Variants in PCDH15 observed in about 807,000 individuals in gnomAD.
PCDH15 encodes the protein protocadherin-15.
A neutral mutation model predicts 178.5 loss-of-function variants in PCDH15; 129 were observed. The ratio of observed to expected loss-of-function variants is 0.72; its 90% CI spans 0.63 to 0.84. The LOEUF (loss-of-function observed/expected upper bound fraction) is 0.84. PCDH15 is among the 40% of genes least tolerant of loss of function. The pLI is 0.00. For missense variants in PCDH15, 2,230 were observed against 2,099.9 expected, an observed-to-expected ratio of 1.06 and a Z score of -1.21; for synonymous variants, 800 against 732.0, an observed-to-expected ratio of 1.09 and a Z score of -1.50.
At chr10:53,903,209 C>G (rs1336125066) in intron 26 of PCDH15, 34 bp downstream of exon 26, 1 of 1,609,712 alleles carries the variant, frequency 6.2e-7, no homozygotes, top group Non-Finnish European at 8.5e-7. Context: ...TGAGCTTTTA[C>G]TTTAGTTCTG....
intron 26 of PCDH15, among the ~76,000 whole-genome samples, chr10:53,885,801 T>A (rs60571327): frequency 0.11 from 16,676 of 152,100 alleles, 2,098 homozygotes; most frequent in African/African-American, 0.3. Context: ...TATTTTCATG[T>A]AAATAATACA....
chr10:54,477,381 A>G (rs2078348241), intron 3 of PCDH15, among the ~76,000 whole-genome samples: 1 of 151,990 alleles, frequency 6.6e-6, no homozygotes, highest in South Asian at 2.1e-4. Context: ...GGGCATCCCT[A>G]TTAGTGTTCT....
At chr10:55,333,620 T>C (rs1236334309) in intron 2 of PCDH15, among the ~76,000 whole-genome samples, 1 of 152,028 alleles carries the variant, frequency 6.6e-6, no homozygotes, top group African/African-American at 2.4e-5. Context: ...ATATTTTAGA[T>C]ATTTACAGAG....
At chr10:55,463,864 C>T (rs11004874) in intron 2 of PCDH15, among the ~76,000 whole-genome samples, 14,086 of 75,904 alleles carry the variant, frequency 0.19, 569 homozygotes, top group East Asian at 0.48. Context: ...CAGAATGAGA[C>T]GAAAGAAAGA....
At chr10:55,359,720 G>GTATA (rs57949952) in intron 2 of PCDH15, among the ~76,000 whole-genome samples, 4,717 of 112,294 alleles carry the variant, frequency 0.042, 90 homozygotes, top group South Asian at 0.07. Context: ...AAAATGTGGT[G>GTATA]TATATATATA....
chr10:55,222,710 T>TACACACACACAGAC (rs1554842351), intron 1 of PCDH15, among the ~76,000 whole-genome samples: 14 of 42,188 alleles, frequency 3.3e-4, no homozygotes, highest in Non-Finnish European at 4.8e-4. Flanking sequence ...TATATCTTTA[T>TACACACACACAGAC]ACACACACAC....
At chr10:53,969,509 G>A (rs10740562) in intron 21 of PCDH15, among the ~76,000 whole-genome samples, 105,943 of 151,974 alleles carry the variant, frequency 0.7, 37,419 homozygotes, top group East Asian at 0.87. Context: ...TACAGAGAAC[G>A]CCACAAAGAT....
chr10:53,849,657 G>A (rs2078214120), intron 28 of PCDH15, among the ~76,000 whole-genome samples: 1 of 151,884 alleles, frequency 6.6e-6, no homozygotes, highest in Non-Finnish European at 1.5e-5. Flanking sequence ...AAGGTCAGGA[G>A]ATCTAGACCA....
intron 2 of PCDH15, among the ~76,000 whole-genome samples, chr10:55,026,552 A>G (rs1030513181): frequency 3.3e-5 from 5 of 151,998 alleles, no homozygotes; most frequent in African/African-American, 1.2e-4. Flanking sequence ...GAATATAGAA[A>G]TACAGTGCAA....
chr10:55,135,775 G>T (rs1376860046), intron 2 of PCDH15, among the ~76,000 whole-genome samples: 1 of 151,266 alleles, frequency 6.6e-6, no homozygotes, highest in African/African-American at 2.4e-5. Flanking sequence ...GTAGAAATGG[G>T]GTCTCACCAT....
At chr10:55,112,232 T>C (rs1276394168) in intron 2 of PCDH15, among the ~76,000 whole-genome samples, 1 of 152,072 alleles carries the variant, frequency 6.6e-6, no homozygotes, top group African/African-American at 2.4e-5. Context: ...GAGAGGTAAA[T>C]TGATCATAAG....
intron 2 of PCDH15, among the ~76,000 whole-genome samples, chr10:54,983,244 C>T (rs759534100): frequency 1.1e-4 from 16 of 152,040 alleles, no homozygotes; most frequent in Non-Finnish European, 8.8e-5. Context: ...GTACTTGTCA[C>T]CTTAGCATAA....
chr10:54,807,750 TATA>T (rs1301461015), intron 3 of PCDH15, among the ~76,000 whole-genome samples: 3 of 149,124 alleles, frequency 2.0e-5, no homozygotes, highest in Non-Finnish European at 4.4e-5. Flanking sequence ...TGCATATACT[TATA>T]ATAGTATAAA....
rs192252104 is a variant in PCDH15 at position 54,967,061 on chromosome 10, T to C, written c.-79-69561A>G. ...TTACTTTGGATGAGTCTGTGAGTGA[T>C]GAGTGAATGTGAAGGCCTAGGACAT... On this transcript the variant is annotated intron_variant, in intron 2 of 5. Coordinates refer to the PCDH15 transcript ENST00000458638. Among the ~76,000 whole-genome samples, 586 of 152,282 alleles carry C rather than the reference T, an allele frequency of 3.8e-3. 3 individuals carry two copies. The highest frequency in any genetic ancestry group is 0.014 in the African/African-American group (569 of 41,566).
intron 2 of PCDH15, among the ~76,000 whole-genome samples, chr10:55,375,367 A>G (rs1287717256): frequency 6.6e-6 from 1 of 152,086 alleles, no homozygotes; most frequent in Non-Finnish European, 1.5e-5. Context: ...GAAGGCTGGA[A>G]TATGGGATGT....
chr10:54,853,416 CAT>C (rs1953677331), intron 3 of PCDH15, among the ~76,000 whole-genome samples: 1 of 139,122 alleles, frequency 7.2e-6, no homozygotes, highest in East Asian at 2.1e-4. Context: ...TATATATACA[CAT>C]ACATATATAT....
chr10:54,008,397 A>G (rs1235345028), intron 20 of PCDH15, among the ~76,000 whole-genome samples: 1 of 152,144 alleles, frequency 6.6e-6, no homozygotes, highest in African/African-American at 2.4e-5. Flanking sequence ...ATACCCCCAT[A>G]TTGAAATAAA....
intron 3 of PCDH15, among the ~76,000 whole-genome samples, chr10:54,520,710 C>G (rs2082759545): frequency 1.3e-5 from 2 of 151,436 alleles, no homozygotes; most frequent in Non-Finnish European, 2.9e-5. Context: ...CATCCCATTA[C>G]TGGATATATA....
intron 2 of PCDH15, among the ~76,000 whole-genome samples, chr10:55,128,859 G>T (rs371450401): frequency 1.3e-5 from 2 of 152,056 alleles, no homozygotes; most frequent in East Asian, 3.9e-4. Context: ...GAGGCTTAAC[G>T]CTACTTGCAA....
Sources: allele counts gnomAD v4.1 joint callset (sites outside exome capture counted in the v4.1 genomes callset), GRCh38; gene constraint gnomAD v4.1.1; transcripts MANE v1.5; gene names NCBI Gene and HGNC (gene_info 2026-07-23, HGNC 2026-07-21).